The following YTHDC2 variants were observed in gnomAD, a reference collection of about 807,000 sequenced individuals.
YTHDC2 encodes YTH N6-methyladenosine RNA binding protein C2.
YTHDC2 carries 45 observed loss-of-function variants against 174.9 expected under a neutral mutation model. The observed-to-expected ratio is 0.26, with a 90% CI of 0.20 to 0.33. YTHDC2 has a LOEUF of 0.33. Ranked by LOEUF, YTHDC2 falls within the 10% of genes least tolerant of loss-of-function variation. The pLI, the probability that YTHDC2 is intolerant of heterozygous loss-of-function variation, is 1.00. For missense variants in YTHDC2, 1,650 were observed against 1,723.7 expected (o/e 0.96, Z 0.76); for synonymous variants, 657 against 574.5 (o/e 1.14, Z -2.05).
In YTHDC2 at chr5:113,553,658, G is replaced by A. The variant is rs979468902; in HGVS notation, c.1936G>A (p.Asp646Asn). 1.2e-6 allele frequency: 2 copies of A among 1,613,560 alleles called. No homozygotes were observed. The highest frequency in any genetic ancestry group is 1.7e-6 in the Non-Finnish European group (2 of 1,179,596). ...VGLRDRILFD[D>N]KRFADSTHRY... ...ACTGAGAGATCGCATCCTGTTTGAT[G>A]ACAAGCGGTTTGCTGACAGTACACA... Residue 646 changes from aspartate to asparagine, a missense_variant, in exon 14 of 30, where the codon GAC becomes AAC. Around this residue, in one of 5 missense-constraint regions of YTHDC2, gnomAD observed 913 missense variants for 940.4 expected, o/e 0.97. Coordinates refer to ENST00000161863, the MANE Select transcript of YTHDC2 (RefSeq NM_022828.5).
intron 3 of YTHDC2, among the ~76,000 whole-genome samples, chr5:113,525,516 A>G (rs1774154137): frequency 6.6e-6 from 1 of 152,044 alleles, no homozygotes; most frequent in Admixed American, 6.5e-5. Flanking sequence ...AGGTGAAGAA[A>G]CTGAGGCTTA....
At chr5:113,539,809 A>G (rs1172106253) in intron 8 of YTHDC2, among the ~76,000 whole-genome samples, 1 of 152,160 alleles carries the variant, frequency 6.6e-6, no homozygotes, top group Non-Finnish European at 1.5e-5. Flanking sequence ...CCCTTGAAAA[A>G]TGTAATCAGC....
Position 113,579,099 on chromosome 5 carries a change from GTCTT to G in YTHDC2, c.3245-483_3245-480del, listed in dbSNP as rs1156443538. 4.6e-5 allele frequency among the ~76,000 whole-genome samples: 7 copies of G among 151,744 alleles called. No homozygotes were observed. In the East Asian group the frequency reaches 1.4e-3, roughly 29 times the overall value. On this transcript the variant is annotated intron_variant, in intron 23 of 29. Coordinates refer to ENST00000161863, the MANE Select transcript of YTHDC2 (RefSeq NM_022828.5). ...GGGTTATAGTTTTAATTACCATTTT[GTCTT>G]TCTAATTCATCTTTTTATAATTTTC...
intron 9 of YTHDC2, among the ~76,000 whole-genome samples, chr5:113,541,711 T>G (rs1775482695): frequency 1.3e-5 from 2 of 152,196 alleles, no homozygotes; most frequent in South Asian, 2.1e-4. Flanking sequence ...TAAAAATACT[T>G]TTAAAGAATA....
At chr5:113,536,666 T>C (rs796405550) in intron 7 of YTHDC2, among the ~76,000 whole-genome samples, 2 of 152,236 alleles carry the variant, frequency 1.3e-5, no homozygotes, top group South Asian at 2.1e-4. Flanking sequence ...AACAGTGTTA[T>C]ATATATTCGT....
intron 25 of YTHDC2, 28 bp downstream of exon 25, chr5:113,581,737 G>C: frequency 7.0e-7 from 1 of 1,428,776 alleles, no homozygotes; most frequent in Non-Finnish European, 9.2e-7. Flanking sequence ...TACCAAAATG[G>C]GTCACTTTTT....
intron 16 of YTHDC2, among the ~76,000 whole-genome samples, chr5:113,554,612 T>C (rs1240017219): frequency 6.6e-6 from 1 of 152,036 alleles, no homozygotes; most frequent in Non-Finnish European, 1.5e-5. Flanking sequence ...GCTAGTCTAC[T>C]TTTACCTTTT....
intron 26 of YTHDC2, among the ~76,000 whole-genome samples, chr5:113,589,395 TAA>T (rs1156968093): frequency 7.7e-4 from 88 of 114,454 alleles, no homozygotes; most frequent in Admixed American, 2.0e-3. Flanking sequence ...TTTTAAAAAT[TAA>T]AAAAAAAAAA....
At position 113,584,409 on chromosome 5, in the gene YTHDC2, C is replaced by T. The variant is rs372915389; in HGVS notation, c.3755C>T (p.Ser1252Phe). 5.0e-6 allele frequency: 8 copies of T among 1,613,716 alleles called. No individual in the cohort carries two copies. The highest frequency in any genetic ancestry group is 5.9e-6 in the Non-Finnish European group (7 of 1,179,836). The change falls in exon 26 of 30, where the codon TCT becomes TTT. Residue 1252 changes from serine (S) to phenylalanine (F), a missense_variant. Physicochemically the swap from Ser to Phe is radical, Grantham distance 155. Transcript: ENST00000161863. ...ACTGAGGACCGATCAGATCAGTCTTCTCTGAAATCTACAGACAGCAGTAGT... is the reference window on the plus strand; with the variant it reads ...ACTGAGGACCGATCAGATCAGTCTTTTCTGAAATCTACAGACAGCAGTAGT... ...RGTEDRSDQS[S>F]LKSTDSSSYP...
intron 2 of YTHDC2, among the ~76,000 whole-genome samples, chr5:113,521,588 A>G (rs1190605098): frequency 6.6e-6 from 1 of 151,900 alleles, no homozygotes; most frequent in Admixed American, 6.6e-5. Flanking sequence ...AAAATTAGCC[A>G]TGCATGGTGG....
intron 5 of YTHDC2, among the ~76,000 whole-genome samples, 179 bp from the exon 6 acceptor site, chr5:113,534,126 A>G (rs1253436057): frequency 1.3e-5 from 2 of 152,150 alleles, no homozygotes; most frequent in Non-Finnish European, 2.9e-5. Context: ...ATAAAAGGCT[A>G]TTGTCAGGCA....
chr5:113,579,667 A>G lies in YTHDC2; in HGVS notation c.3326A>G (p.Glu1109Gly), dbSNP rs762854650. The G allele has an allele frequency of 6.5e-5, 104 of 1,609,570 alleles. No individual in the cohort carries two copies. The highest frequency in any genetic ancestry group is 8.4e-5 in the Non-Finnish European group (99 of 1,177,612). The change falls in exon 24 of 30, where the codon GAG (glutamate) becomes GGG (glycine). Residue 1109 changes from glutamate (E) to glycine (G), a missense_variant. Transcript: ENST00000161863. ...AATTTGGCAGCCTTGAAACTTGATG[A>G]GTGGCTCCATTTCACACTGGAGCCA... Reference protein sequence around the residue: ...TANLAALKLDEWLHFTLEPEA... With the variant: ...TANLAALKLDGWLHFTLEPEA...
At chr5:113,543,855 G>A (rs1455435364) in intron 10 of YTHDC2, among the ~76,000 whole-genome samples, 1 of 152,070 alleles carries the variant, frequency 6.6e-6, no homozygotes, top group African/African-American at 2.4e-5. Flanking sequence ...ATCTCCACTG[G>A]TAATCACATG....
intron 8 of YTHDC2, among the ~76,000 whole-genome samples, 173 bp from the exon 9 acceptor site, chr5:113,540,795 G>C (rs1401405426): frequency 3.9e-5 from 6 of 152,012 alleles, no homozygotes; most frequent in Admixed American, 3.9e-4. Flanking sequence ...GTGTCTTTTT[G>C]TTTCAGCATA....
chr5:113,563,086 C>A (rs1226677212), intron 18 of YTHDC2, among the ~76,000 whole-genome samples: 1 of 149,120 alleles, frequency 6.7e-6, no homozygotes, highest in African/African-American at 2.5e-5. Context: ...TTTTTTTGGA[C>A]AGTGACTATG....
rs1259857498 is a variant in YTHDC2 at position 113,548,288 on chromosome 5, G to T, written c.1496-253G>T. ...AAATAATATAGATGAGCTTAAAACA[G>T]TTTAACATCGATCTTTCCTTCTCCT... On this transcript the variant is annotated intron_variant, in intron 10 of 29. Transcript: ENST00000161863. Among the ~76,000 whole-genome samples the T allele has an allele frequency of 3.3e-5, 5 of 152,120 alleles. No homozygotes were observed. The South Asian group carries it at 1.0e-3, about 31-fold the overall frequency.
intron 23 of YTHDC2, among the ~76,000 whole-genome samples, chr5:113,577,015 TA>T (rs1415604470): frequency 6.6e-6 from 1 of 152,140 alleles, no homozygotes; most frequent in Non-Finnish European, 1.5e-5. Flanking sequence ...GATTCTGGCC[TA>T]AAACAAAGAT....
chr5:113,537,108 C>T (rs1465543879), intron 7 of YTHDC2, among the ~76,000 whole-genome samples: 1 of 152,124 alleles, frequency 6.6e-6, no homozygotes, highest in Non-Finnish European at 1.5e-5. Flanking sequence ...TCCTGATGTA[C>T]TGGATTTCTA....
At chr5:113,525,274 G>T in intron 3 of YTHDC2, 97 bp downstream of exon 3, 1 of 1,041,494 alleles carries the variant, frequency 9.6e-7, no homozygotes, top group East Asian at 2.8e-5. Context: ...GATGAAATAA[G>T]ATTTCTCAAT....
Sources: gnomAD v4.1 joint callset for allele counts (sites outside exome capture counted in the v4.1 genomes callset) on GRCh38, gnomAD v4.1.1 for gene constraint, gnomAD v4.1.1 regional missense constraint, MANE v1.5 for transcripts, NCBI Gene and HGNC (gene_info 2026-07-23, HGNC 2026-07-21) for gene names.